The following ZNF438 variants were observed in gnomAD, a reference collection of about 807,000 sequenced individuals.
ZNF438 encodes the protein zinc finger protein 438.
ZNF438 carries 25 observed loss-of-function variants against 38.0 expected under a neutral mutation model. The observed-to-expected ratio is 0.66, with a 90% CI of 0.48 to 0.92. The LOEUF is 0.92. ZNF438 is among the 40% of genes least tolerant of loss of function. ZNF438 has a pLI of 0.00. For missense variants in ZNF438, 1,007 were observed against 999.6 expected (o/e 1.01, Z -0.10); for synonymous variants, 372 against 364.1 (o/e 1.02, Z -0.25).
Position 30,955,555 on chromosome 10 carries a change from A to G in ZNF438, c.-191-13904T>C, listed in dbSNP as rs868830166. 3.9e-5 allele frequency among the ~76,000 whole-genome samples: 6 copies of G among 152,348 alleles called. No homozygotes were observed. In the South Asian group the frequency reaches 1.2e-3, roughly 32 times the overall value. On this transcript the variant is annotated intron_variant, in intron 1 of 5. Coordinates refer to ENST00000413025, the Ensembl canonical transcript of ZNF438. Reference sequence around the variant, plus strand: ...CTAAGACTACCATGCTAGAAAGGTCATGTAGACTTAGCCTTCCACCTCTGC... The same window carrying G: ...CTAAGACTACCATGCTAGAAAGGTCGTGTAGACTTAGCCTTCCACCTCTGC...
intron 2 of ZNF438, among the ~76,000 whole-genome samples, chr10:30,932,880 A>C (rs143565686): frequency 6.6e-6 from 1 of 152,328 alleles, no homozygotes; most frequent in East Asian, 1.9e-4. Context: ...GAAGACACTC[A>C]TAAGATGGAA....
At chr10:31,001,274 C>T (rs187464258) in intron 1 of ZNF438, among the ~76,000 whole-genome samples, 30 of 152,300 alleles carry the variant, frequency 2.0e-4, no homozygotes, top group Admixed American at 4.6e-4. Flanking sequence ...TAGAACTCAT[C>T]GCTGATAATG....
intron 3 of ZNF438, among the ~76,000 whole-genome samples, chr10:30,883,338 A>AGCTT: frequency 6.6e-6 from 1 of 152,166 alleles, no homozygotes; most frequent in East Asian, 1.9e-4. Flanking sequence ...TTTGGCCCAG[A>AGCTT]CCTTCCTTCC....
intron 1 of ZNF438, among the ~76,000 whole-genome samples, chr10:31,008,571 T>C (rs1161922418): frequency 6.6e-6 from 1 of 152,184 alleles, no homozygotes; most frequent in Non-Finnish European, 1.5e-5. Context: ...TCACTTAGCA[T>C]GTTTTGTTAT....
intron 1 of ZNF438, among the ~76,000 whole-genome samples, chr10:30,978,635 G>C (rs1241398735): frequency 6.6e-6 from 1 of 152,004 alleles, no homozygotes; most frequent in Non-Finnish European, 1.5e-5. Context: ...ACCCTTAGCT[G>C]CATGCAACAA....
At chr10:31,019,984 T>C (rs927518739) in intron 1 of ZNF438, among the ~76,000 whole-genome samples, 14 of 152,224 alleles carry the variant, frequency 9.2e-5, no homozygotes, top group African/African-American at 3.4e-4. Flanking sequence ...AAAATAAGGC[T>C]TTTATTGAAG....
chr10:30,871,237 G>T (rs1311209461), intron 4 of ZNF438, among the ~76,000 whole-genome samples: 1 of 151,934 alleles, frequency 6.6e-6, no homozygotes, highest in Non-Finnish European at 1.5e-5. Flanking sequence ...TGCTTCTTTT[G>T]CTCATTGTCT....
intron 4 of ZNF438, among the ~76,000 whole-genome samples, chr10:30,864,791 C>T (rs1010524914): frequency 6.6e-6 from 1 of 152,076 alleles, no homozygotes; most frequent in African/African-American, 2.4e-5. Context: ...ACATATACAC[C>T]GCCTCTACTC....
chr10:30,914,166 G>A (rs1176457812), intron 2 of ZNF438, among the ~76,000 whole-genome samples: 2 of 151,884 alleles, frequency 1.3e-5, no homozygotes, highest in Non-Finnish European at 2.9e-5. Context: ...TATTAATTTC[G>A]AGACAATCTC....
At chr10:30,915,894 T>G (rs2043576724) in intron 2 of ZNF438, among the ~76,000 whole-genome samples, 1 of 152,032 alleles carries the variant, frequency 6.6e-6, no homozygotes, top group African/African-American at 2.4e-5. Context: ...GCCCTCTCAG[T>G]TATCTGGCCC....
In ZNF438 at chr10:30,962,087, C is replaced by T. The variant is rs368258181; in HGVS notation, c.-191-20436G>A. On this transcript the variant is annotated intron_variant, in intron 1 of 5. Transcript: ENST00000413025. The stretch of plus-strand genomic sequence containing the variant: ...TACAAAAGCGAAAAGTCTTATTTCA[C>T]CTCCAACCCACCTTACTCTTTCCCA... 2.0e-5 allele frequency among the ~76,000 whole-genome samples: 3 copies of T among 146,488 alleles called. 1 individual carries two copies. Among genetic ancestry groups the T allele is most frequent in the Non-Finnish European group, 4.6e-5 (3 of 64,692 alleles).
At chr10:30,979,916 AT>A (rs1274077776) in intron 1 of ZNF438, among the ~76,000 whole-genome samples, 1 of 152,150 alleles carries the variant, frequency 6.6e-6, no homozygotes, top group Non-Finnish European at 1.5e-5. Flanking sequence ...AAGCTGTAAT[AT>A]TTTTATTGTG....
intron 3 of ZNF438, among the ~76,000 whole-genome samples, chr10:30,881,117 T>C (rs891612908): frequency 1.3e-4 from 20 of 152,130 alleles, no homozygotes; most frequent in Non-Finnish European, 2.5e-4. Flanking sequence ...TATTCAACCC[T>C]GTATTGGAAG....
At chr10:30,850,669 C>T (rs1232492018) in intron 4 of ZNF438, among the ~76,000 whole-genome samples, 1 of 152,198 alleles carries the variant, frequency 6.6e-6, no homozygotes, top group Non-Finnish European at 1.5e-5. Flanking sequence ...AGCGAAAATT[C>T]CGTCCTTCTC....
rs370230393 is a variant in ZNF438, at chr10:30,888,754, A to G, written c.-31-11689T>C. Reference sequence around the variant, plus strand: ...TATTCCATGGTGTATATGTACCACAATTTCTTCATCCAGTACCACTGATGG... The same window carrying G: ...TATTCCATGGTGTATATGTACCACAGTTTCTTCATCCAGTACCACTGATGG... On this transcript the variant is annotated intron_variant, in intron 3 of 5. Coordinates refer to ENST00000413025, the Ensembl canonical transcript of ZNF438. 1.9e-4 allele frequency among the ~76,000 whole-genome samples: 29 copies of G among 152,160 alleles called. 1 individual carries two copies. The East Asian group carries it at 2.7e-3, about 14-fold the overall frequency.
intron 2 of ZNF438, among the ~76,000 whole-genome samples, chr10:30,924,525 C>T (rs1024307447): frequency 6.6e-6 from 1 of 152,164 alleles, no homozygotes; most frequent in Non-Finnish European, 1.5e-5. Context: ...GAAAGGAACT[C>T]AGATAAAATA....
intron 4 of ZNF438, among the ~76,000 whole-genome samples, chr10:30,867,237 A>G (rs1391572136): frequency 6.6e-6 from 1 of 152,250 alleles, no homozygotes; most frequent in Non-Finnish European, 1.5e-5. Flanking sequence ...ATGCAGGACT[A>G]GATATGAGAC....
intron 3 of ZNF438, among the ~76,000 whole-genome samples, chr10:30,905,517 A>G (rs73249080): frequency 0.012 from 1,824 of 152,306 alleles, 41 homozygotes; most frequent in African/African-American, 0.042. Flanking sequence ...TTTATCAGAT[A>G]TAAGATTTGC....
chr10:30,873,349 G>C (rs1286040609), intron 4 of ZNF438, among the ~76,000 whole-genome samples: 1 of 152,188 alleles, frequency 6.6e-6, no homozygotes, highest in East Asian at 1.9e-4. Flanking sequence ...CTTATCGTTA[G>C]AGTGACAGTA....
Sources: gnomAD v4.1 joint callset for allele counts (sites outside exome capture counted in the v4.1 genomes callset) on GRCh38, gnomAD v4.1.1 for gene constraint, MANE v1.5 for transcripts, NCBI Gene and HGNC (gene_info 2026-07-23, HGNC 2026-07-21) for gene names.